Variants in REL observed in about 807,000 individuals in gnomAD.
REL encodes REL proto-oncogene, NF-kB subunit.
A neutral mutation model predicts 45.9 loss-of-function variants in REL; 15 were observed. The observed-to-expected ratio is 0.33, with a 90% CI of 0.22 to 0.50. REL has a LOEUF of 0.50. REL is among the 20% of genes least tolerant of loss of function. REL has a pLI of 0.98. For missense variants in REL, 601 were observed against 715.2 expected, an observed-to-expected ratio of 0.84 and a Z score of 1.82; for synonymous variants, 239 against 242.1, an observed-to-expected ratio of 0.99 and a Z score of 0.12.
rs1011836819 is a variant in REL at position 60,924,520 on chromosome 2, G to C, written c.*1985G>C. 1.4e-5 allele frequency: 3 copies of C among 216,302 alleles called. No individual in the cohort carries two copies. Among genetic ancestry groups the C allele is most frequent in the African/African-American group, 6.8e-5 (3 of 44,370 alleles). The allele number at this position is 216,302 out of a possible 1,614,324, so 13.4% of individuals were successfully genotyped here. On this transcript the variant is annotated 3_prime_UTR_variant, in exon 10 of 10. Coordinates refer to ENST00000394479, the MANE Select transcript of REL (RefSeq NM_001291746.2). ...TGAGAATCGTGTACATTCAAGTCCA[G>C]GAATAATAATGGTCATCCAAATTGT...
intron 4 of REL, among the ~76,000 whole-genome samples, chr2:60,913,300 C>T (rs1287599679): frequency 6.6e-6 from 1 of 152,004 alleles, no homozygotes; most frequent in Non-Finnish European, 1.5e-5. Flanking sequence ...TTTGCCTCCT[C>T]ATATGTGTGG....
chr2:60,884,518 A>G (rs1265734118), intron 1 of REL, among the ~76,000 whole-genome samples: 1 of 152,006 alleles, frequency 6.6e-6, no homozygotes, highest in Non-Finnish European at 1.5e-5. Context: ...AATGTTCCCA[A>G]ACCCATCTAA....
intron 1 of REL, among the ~76,000 whole-genome samples, chr2:60,886,988 A>G (rs145144331): frequency 1.2e-3 from 185 of 152,270 alleles, no homozygotes; most frequent in African/African-American, 4.3e-3. Context: ...TTTAGAGTCA[A>G]TTTTGGAGAC....
chr2:60,891,934 C>G, intron 2 of REL, 109 bp downstream of exon 2: 1 of 1,099,750 alleles, frequency 9.1e-7, no homozygotes, highest in Non-Finnish European at 1.3e-6. Flanking sequence ...ACAGGTTTAT[C>G]TTTTTCTTTT....
intron 4 of REL, among the ~76,000 whole-genome samples, chr2:60,907,894 G>A (rs1027381005): frequency 4.6e-5 from 7 of 151,304 alleles, no homozygotes; most frequent in Non-Finnish European, 8.8e-5. Flanking sequence ...GGGTTCCACC[G>A]TGTTAGCCAG....
chr2:60,906,450 C>A (rs1417184177), intron 4 of REL, among the ~76,000 whole-genome samples: 1 of 152,158 alleles, frequency 6.6e-6, no homozygotes, highest in Non-Finnish European at 1.5e-5. Context: ...GCAAGTGATC[C>A]ACAGAGTATA....
At chr2:60,916,715 A>C (rs1406209110) in intron 4 of REL, among the ~76,000 whole-genome samples, 162 bp from the exon 5 acceptor site, 1 of 152,194 alleles carries the variant, frequency 6.6e-6, no homozygotes, top group Non-Finnish European at 1.5e-5. Flanking sequence ...ACTTGATAAG[A>C]ATGATAAAAG....
intron 4 of REL, among the ~76,000 whole-genome samples, chr2:60,907,595 C>T (rs1332466157): frequency 2.0e-5 from 3 of 152,044 alleles, no homozygotes; most frequent in Non-Finnish European, 4.4e-5. Flanking sequence ...GATTGTGCCA[C>T]TGCACTTCAG....
At chr2:60,917,115 A>G (rs1673989897) in intron 5 of REL, 98 bp downstream of exon 5, 2 of 1,041,074 alleles carry the variant, frequency 1.9e-6, no homozygotes, top group Non-Finnish European at 1.4e-6. Context: ...CAATATATTC[A>G]TGATAGGAAA....
chr2:60,906,826 T>A (rs1437643600), intron 4 of REL, among the ~76,000 whole-genome samples: 1 of 150,472 alleles, frequency 6.6e-6, no homozygotes, highest in Non-Finnish European at 1.5e-5. Context: ...AGTACCTGTG[T>A]GTGTGTGTAT....
intron 2 of REL, among the ~76,000 whole-genome samples, chr2:60,894,120 G>A (rs1309933768): frequency 1.3e-5 from 2 of 152,102 alleles, no homozygotes; most frequent in African/African-American, 4.8e-5. Context: ...GATAAAATTT[G>A]GGTAGAGTTT....
rs1386134697 is a variant in REL at position 60,927,120 on chromosome 2, T to C, written c.*4585T>C. Reference sequence around the variant, plus strand: ...TGCCTGTATTACGGACATCCTCTTATTTAAGTGTTTGTCTCTTTCGTCATT... The same window carrying C: ...TGCCTGTATTACGGACATCCTCTTACTTAAGTGTTTGTCTCTTTCGTCATT... On this transcript the variant is annotated 3_prime_UTR_variant, in exon 10 of 10. Coordinates refer to ENST00000394479, the MANE Select transcript of REL (RefSeq NM_001291746.2). The C allele has an allele frequency of 4.4e-6, 1 of 225,768 alleles. No individual in the cohort carries two copies. Among genetic ancestry groups the C allele is most frequent in the Non-Finnish European group, 8.8e-6 (1 of 113,470 alleles). The allele number at this position is 225,768 out of a possible 1,614,324, so 14.0% of individuals were successfully genotyped here. A position where few individuals can be genotyped will look rare whatever the true frequency, so the allele number is the denominator to read the frequency against.
intron 2 of REL, among the ~76,000 whole-genome samples, chr2:60,893,391 T>C (rs1405514298): frequency 6.6e-6 from 1 of 152,222 alleles, no homozygotes; most frequent in African/African-American, 2.4e-5. Flanking sequence ...CTAAGTCTTT[T>C]AAATGTTAAA....
At chr2:60,919,412 GT>G (rs1349680120) in intron 7 of REL, among the ~76,000 whole-genome samples, 1 of 146,792 alleles carries the variant, frequency 6.8e-6, no homozygotes, top group African/African-American at 2.7e-5. Context: ...TTTTTGTGGG[GT>G]TTTTTTGTTT....
intron 3 of REL, 78 bp from the exon 4 acceptor site, chr2:60,900,914 A>G: frequency 8.4e-7 from 1 of 1,183,706 alleles, no homozygotes; most frequent in Non-Finnish European, 1.2e-6. Flanking sequence ...TGATAACTTC[A>G]GTATTGCTAT....
intron 4 of REL, among the ~76,000 whole-genome samples, chr2:60,915,728 G>A (rs571082145): frequency 6.6e-6 from 1 of 152,228 alleles, no homozygotes; most frequent in African/African-American, 2.4e-5. Flanking sequence ...TATTGCTATA[G>A]CTTATGGCAT....
In REL at chr2:60,881,845, C is replaced by A; in HGVS notation, c.5C>A (p.Ala2Asp). ...GAAGGTGCGGGGAGCGGAGCCATGG[C>A]CTCCGGTGAGTGTTCATGGGGCGCG... MASGAYNPYIEI... is the reference protein window; with the variant it reads MDSGAYNPYIEI... Residue 2 changes from alanine (A) to aspartate (D), a missense_variant, in exon 1 of 10, where the codon GCC (alanine) becomes GAC (aspartate). Transcript: ENST00000394479. 6.6e-7 allele frequency: 1 copy of A among 1,512,690 alleles called. No individual in the cohort carries two copies. Among genetic ancestry groups the A allele is most frequent in the Non-Finnish European group, 8.8e-7 (1 of 1,131,694 alleles). The allele number at this position is 1,512,690 out of a possible 1,614,324, so 93.7% of individuals were successfully genotyped here.
intron 4 of REL, among the ~76,000 whole-genome samples, chr2:60,910,230 C>G (rs916478939): frequency 6.6e-6 from 1 of 151,358 alleles, no homozygotes; most frequent in Non-Finnish European, 1.5e-5. Flanking sequence ...CTTTGGGAGG[C>G]TGAGGTGCGC....
rs554186561 is a variant in REL at position 60,929,725 on chromosome 2, C to T, written c.*7190C>T. On this transcript the variant is annotated 3_prime_UTR_variant, in exon 10 of 10. Transcript: ENST00000394479. The stretch of plus-strand genomic sequence containing the variant: ...GGGAGATATACCTAATGCTAGATGA[C>T]GAGTTAGTGGGTGCAGTGCACCAGC... 17 of 149,200 alleles carry T rather than the reference C, an allele frequency of 1.1e-4. No homozygotes were observed. The highest frequency in any genetic ancestry group is 2.0e-4 in the Admixed American group (3 of 15,018). 9.2% of individuals were successfully genotyped at this position (149,200 alleles called of 1,614,324 possible).
Sources: gnomAD v4.1 joint callset for allele counts (sites outside exome capture counted in the v4.1 genomes callset) on GRCh38, gnomAD v4.1.1 for gene constraint, MANE v1.5 for transcripts, NCBI Gene and HGNC (gene_info 2026-07-23, HGNC 2026-07-21) for gene names.